The following NEGR1 variants were observed in gnomAD, a reference collection of about 807,000 sequenced individuals.
The protein encoded by NEGR1 is neuronal growth regulator 1.
In NEGR1, 10 loss-of-function variants were observed where a neutral mutation model predicts 40.9. That is an observed-to-expected ratio of 0.24 (90% CI 0.15 to 0.42). The LOEUF (loss-of-function observed/expected upper bound fraction) is 0.42. Among genes scored for constraint, NEGR1 ranks in the 10% least tolerant of loss-of-function variants. The probability of loss-of-function intolerance (pLI) is 1.00; values close to 1 mark genes in which losing one functional copy is unlikely to be tolerated. For synonymous variants in NEGR1, 185 were observed against 166.8 expected (o/e 1.11, Z -0.84); for missense variants, 352 against 438.9 (o/e 0.80, Z 1.77).
rs895321014 is a variant in NEGR1, at chr1:71,942,313, C to A, written c.177-7002G>T. On this transcript the variant is annotated intron_variant, in intron 1 of 6. Coordinates refer to ENST00000357731, the MANE Select transcript of NEGR1 (RefSeq NM_173808.3). ...ATGGGAAAAAAAACTGAAAATTAAG[C>A]TTTGTGAATTTTTCTTACTTTTTTC... Among the ~76,000 whole-genome samples, 3 of 149,250 alleles carry A rather than the reference C, an allele frequency of 2.0e-5. No homozygotes were observed. In the East Asian group the frequency reaches 5.9e-4, roughly 29 times the overall value.
At chr1:72,191,025 GT>G (rs572395328) in intron 1 of NEGR1, among the ~76,000 whole-genome samples, 39 of 150,228 alleles carry the variant, frequency 2.6e-4, no homozygotes, top group East Asian at 5.9e-4. Flanking sequence ...TAATTTTATA[GT>G]TTTTTTTTAT....
intron 2 of NEGR1, among the ~76,000 whole-genome samples, chr1:71,874,120 C>T (rs977156856): frequency 6.6e-6 from 1 of 152,242 alleles, no homozygotes; most frequent in South Asian, 2.1e-4. Flanking sequence ...TATTCTTCTG[C>T]AATTAATTCA....
intron 2 of NEGR1, among the ~76,000 whole-genome samples, chr1:71,894,263 G>C (rs980208986): frequency 6.6e-6 from 1 of 150,902 alleles, no homozygotes; most frequent in South Asian, 2.1e-4. Flanking sequence ...GAATGGAGAA[G>C]TCAAGAACAC....
intron 1 of NEGR1, among the ~76,000 whole-genome samples, chr1:72,018,112 T>C (rs776896651): frequency 1.3e-5 from 2 of 152,146 alleles, no homozygotes; most frequent in African/African-American, 2.4e-5. Flanking sequence ...ATTAGAGGTA[T>C]AGGGATTACA....
intron 1 of NEGR1, among the ~76,000 whole-genome samples, chr1:72,260,718 A>C (rs1422089382): frequency 2.0e-5 from 3 of 152,122 alleles, no homozygotes; most frequent in Non-Finnish European, 4.4e-5. Context: ...ATTGGAATAT[A>C]ATATTTTAAA....
intron 2 of NEGR1, among the ~76,000 whole-genome samples, chr1:71,787,065 C>G (rs1412641287): frequency 6.6e-6 from 1 of 152,214 alleles, no homozygotes; most frequent in Non-Finnish European, 1.5e-5. Flanking sequence ...TTCAGCTCAT[C>G]TAAGCCCTGA....
chr1:72,090,369 A>T (rs981938691), intron 1 of NEGR1, among the ~76,000 whole-genome samples: 1 of 142,666 alleles, frequency 7.0e-6, no homozygotes, highest in African/African-American at 3.0e-5. Flanking sequence ...TTTTCTTAAA[A>T]AAAAAAAAAA....
intron 1 of NEGR1, among the ~76,000 whole-genome samples, chr1:72,194,330 T>A (rs1347668125): frequency 6.6e-6 from 1 of 151,848 alleles, no homozygotes; most frequent in Non-Finnish European, 1.5e-5. Flanking sequence ...AAATGAGAAG[T>A]TTTTATTTTT....
chr1:72,198,913 C>A (rs187360278), intron 1 of NEGR1, among the ~76,000 whole-genome samples: 55 of 151,892 alleles, frequency 3.6e-4, no homozygotes, highest in Non-Finnish European at 5.7e-4. Context: ...ATATTTTGTT[C>A]TATGTTTAAG....
At chr1:72,156,465 A>G (rs934368599) in intron 1 of NEGR1, among the ~76,000 whole-genome samples, 6 of 152,186 alleles carry the variant, frequency 3.9e-5, no homozygotes, top group African/African-American at 1.2e-4. Flanking sequence ...CTTCAAATGA[A>G]CTTCACTGTT....
intron 3 of NEGR1, among the ~76,000 whole-genome samples, chr1:71,757,041 A>C (rs574873043): frequency 6.6e-6 from 1 of 152,270 alleles, no homozygotes; most frequent in East Asian, 1.9e-4. Flanking sequence ...TAGACAAAAA[A>C]TATACAATGA....
At chr1:71,966,519 C>G (rs1463759470) in intron 1 of NEGR1, among the ~76,000 whole-genome samples, 1 of 152,116 alleles carries the variant, frequency 6.6e-6, no homozygotes, top group Non-Finnish European at 1.5e-5. Flanking sequence ...TTGCCCTCTG[C>G]AAAGCTCCTC....
chr1:71,940,786 G>A (rs191264739), intron 1 of NEGR1, among the ~76,000 whole-genome samples: 9 of 152,170 alleles, frequency 5.9e-5, no homozygotes, highest in Admixed American at 3.3e-4. Context: ...AGAGTGTAGC[G>A]AAAAATAGCA....
At chr1:71,547,538 A>C (rs1056419249) in intron 6 of NEGR1, among the ~76,000 whole-genome samples, 1 of 151,784 alleles carries the variant, frequency 6.6e-6, no homozygotes, top group African/African-American at 2.4e-5. Context: ...AGAATAGCCC[A>C]CCAAAGAAAC....
chr1:71,723,457 C>G (rs537453108), intron 3 of NEGR1, among the ~76,000 whole-genome samples: 1 of 152,002 alleles, frequency 6.6e-6, no homozygotes, highest in Non-Finnish European at 1.5e-5. Flanking sequence ...GGCTAGAGAA[C>G]GAGCTAATCA....
chr1:71,500,373 T>G (rs1346319245), intron 6 of NEGR1, among the ~76,000 whole-genome samples: 2 of 152,040 alleles, frequency 1.3e-5, no homozygotes, highest in Non-Finnish European at 2.9e-5. Flanking sequence ...TAGTCTGAAC[T>G]TTCCACCAGG....
intron 4 of NEGR1, among the ~76,000 whole-genome samples, chr1:71,619,288 A>T (rs1304051043): frequency 6.6e-6 from 1 of 152,046 alleles, no homozygotes; most frequent in African/African-American, 2.4e-5. Flanking sequence ...AATCTGAGTG[A>T]TTGCTTCCAG....
In NEGR1 at chr1:71,592,852, T is replaced by C. The variant is rs1300841328; in HGVS notation, c.905A>G (p.Lys302Arg). 6.2e-7 allele frequency: 1 copy of C among 1,613,466 alleles called. No individual in the cohort carries two copies. The highest frequency in any genetic ancestry group is 1.7e-5 in the Admixed American group (1 of 60,012). The change falls in exon 6 of 7, where the codon AAG (lysine) becomes AGG (arginine). Residue 302 changes from lysine to arginine, a missense_variant. By Grantham distance (26) the Lys-to-Arg change is conservative. This residue lies in a region of NEGR1 where 184 missense variants were observed against 208.7 expected (regional missense o/e 0.88). Transcript: ENST00000357731. ...FGNYTCVAAN[K>R]LGTTNASLPL... Reference sequence around the variant, plus strand: ...CAGGCTCGCATTGGTTGTGCCTAGCTTGTTGGCAGCCACACAGGTATAATT... The same window carrying C: ...CAGGCTCGCATTGGTTGTGCCTAGCCTGTTGGCAGCCACACAGGTATAATT...
intron 6 of NEGR1, among the ~76,000 whole-genome samples, chr1:71,501,979 CAAG>C (rs1396240914): frequency 7.9e-5 from 12 of 152,064 alleles, no homozygotes; most frequent in Admixed American, 3.3e-4. Flanking sequence ...TTGAAATAAA[CAAG>C]GAGGAAATAA....
Sources: gnomAD v4.1 joint callset for allele counts (sites outside exome capture counted in the v4.1 genomes callset) on GRCh38, gnomAD v4.1.1 for gene constraint, gnomAD v4.1.1 regional missense constraint, MANE v1.5 for transcripts, NCBI Gene and HGNC (gene_info 2026-07-23, HGNC 2026-07-21) for gene names.